Variants in TBXAS1 observed in about 807,000 individuals in gnomAD.
The protein encoded by TBXAS1 is thromboxane A synthase 1, also known as thromboxane-A synthase.
In TBXAS1, 48 loss-of-function variants were observed where a neutral mutation model predicts 60.7. The ratio of observed to expected loss-of-function variants is 0.79; its 90% CI spans 0.63 to 1.01. The LOEUF (loss-of-function observed/expected upper bound fraction) is 1.01, where lower values mean the gene tolerates loss of function less well. TBXAS1 is among the 50% of genes least tolerant of loss of function. The pLI, the probability that TBXAS1 is intolerant of heterozygous loss-of-function variation, is 0.00. For missense variants in TBXAS1, 685 were observed against 686.3 expected (o/e 1.00, Z 0.02); for synonymous variants, 287 against 269.7 (o/e 1.06, Z -0.63).
intron 4 of TBXAS1, among the ~76,000 whole-genome samples, chr7:139,816,361 A>G (rs944432163): frequency 6.6e-6 from 1 of 152,190 alleles, no homozygotes; most frequent in Non-Finnish European, 1.5e-5. Context: ...AATAGGAAGA[A>G]ATTCATACAG....
intron 4 of TBXAS1, among the ~76,000 whole-genome samples, chr7:139,790,117 C>A (rs936766044): frequency 7.9e-5 from 12 of 152,208 alleles, no homozygotes; most frequent in East Asian, 3.8e-4. Context: ...ATTATACATA[C>A]AACAATTTCC....
At chr7:139,833,509 CAAAA>C (rs56291914) in intron 1 of TBXAS1, among the ~76,000 whole-genome samples, 62 of 74,402 alleles carry the variant, frequency 8.3e-4, no homozygotes, top group African/African-American at 1.8e-3. Flanking sequence ...ACTAAAAATA[CAAAA>C]AAAAAAAAAA....
chr7:139,802,337 T>C (rs1367909873), intron 4 of TBXAS1, among the ~76,000 whole-genome samples: 10 of 152,220 alleles, frequency 6.6e-5, no homozygotes, highest in South Asian at 4.1e-4. Context: ...TTTGGCTGCA[T>C]CCCTAACCAA....
At chr7:139,895,868 C>T (rs1028781642) in intron 3 of TBXAS1, among the ~76,000 whole-genome samples, 93 of 152,368 alleles carry the variant, frequency 6.1e-4, no homozygotes, top group African/African-American at 2.0e-3. Context: ...CAGGGCACCT[C>T]TGCAGGGGGC....
At chr7:139,812,994 T>G (rs1258632361) in intron 4 of TBXAS1, among the ~76,000 whole-genome samples, 1 of 151,390 alleles carries the variant, frequency 6.6e-6, no homozygotes, top group Non-Finnish European at 1.5e-5. Flanking sequence ...GTGGCGGAGG[T>G]TGCAGTGAGC....
In TBXAS1 at chr7:139,927,305, G is replaced by T. The variant is rs568773686; in HGVS notation, c.334-8886G>T. Among the ~76,000 whole-genome samples the T allele has an allele frequency of 2.6e-5, 4 of 151,946 alleles. No individual in the cohort carries two copies. The East Asian group carries it at 7.7e-4, about 29-fold the overall frequency. On this transcript the variant is annotated intron_variant, in intron 4 of 12. Transcript: ENST00000448866. ...ATAGACACACTTTTGTGTATCTATT[G>T]TATGTTTTTAGATTTGAAGTTATCA... is the stretch of plus-strand genomic sequence containing the variant.
chr7:139,995,296 C>A (rs1364196990), intron 9 of TBXAS1, among the ~76,000 whole-genome samples: 1 of 152,092 alleles, frequency 6.6e-6, no homozygotes, highest in African/African-American at 2.4e-5. Flanking sequence ...TTACCATTTC[C>A]CCAAACAGCT....
intron 7 of TBXAS1, among the ~76,000 whole-genome samples, chr7:139,956,874 G>A (rs1477772407): frequency 3.9e-5 from 6 of 152,238 alleles, no homozygotes; most frequent in Admixed American, 2.0e-4. Context: ...ACATTGGTTC[G>A]GACTCTGGCT....
chr7:139,962,382 C>A, intron 9 of TBXAS1, 149 bp downstream of exon 9: 2 of 966,402 alleles, frequency 2.1e-6, no homozygotes, highest in Non-Finnish European at 3.2e-6. Context: ...GCTTCTCCTG[C>A]TCTCCGGGTT....
Position 139,961,925 on chromosome 7 carries a change from A to G in TBXAS1, c.826A>G (p.Arg276Gly). 1 of 1,614,238 alleles carries G rather than the reference A, an allele frequency of 6.2e-7. No homozygotes were observed. The highest frequency in any genetic ancestry group is 8.5e-7 in the Non-Finnish European group (1 of 1,180,048). Residue 276 changes from arginine (R) to glycine (G), a missense_variant, in exon 9 of 13, where the codon AGA (arginine) becomes GGA (glycine). Arg to Gly is a moderately radical substitution (Grantham distance 125). Transcript: ENST00000448866. ...TTCTCCTTTTGTTCCTTAGAGGCGGAGAGACTTCCTCCAAATGGTCCTGGA... is the reference window on the plus strand; with the variant it reads ...TTCTCCTTTTGTTCCTTAGAGGCGGGGAGACTTCCTCCAAATGGTCCTGGA... ...RDQQAAEERR[R>G]DFLQMVLDAR...
intron 9 of TBXAS1, among the ~76,000 whole-genome samples, chr7:140,006,696 G>A (rs1472910564): frequency 1.3e-5 from 2 of 152,082 alleles, no homozygotes; most frequent in Admixed American, 1.3e-4. Context: ...CAGGCTCTTT[G>A]AGCCTCAGTT....
chr7:139,918,838 G>C (rs896679834), intron 4 of TBXAS1, among the ~76,000 whole-genome samples: 1 of 152,012 alleles, frequency 6.6e-6, no homozygotes, highest in Non-Finnish European at 1.5e-5. Context: ...ATTCTCTCAG[G>C]CCAGTCACAC....
rs747748317 is a variant in TBXAS1 at position 139,928,509 on chromosome 7, ACT to A, written c.334-7679_334-7678del. ...TGATCCAGATTAATGTTAAATCGTGACTCTGTGCACATTAACTATTCTCAGCT... is the reference window on the plus strand; with the variant it reads ...TGATCCAGATTAATGTTAAATCGTGACTGTGCACATTAACTATTCTCAGCT... On this transcript the variant is annotated intron_variant, in intron 4 of 12. Coordinates refer to ENST00000448866, the MANE Select transcript of TBXAS1 (RefSeq NM_001061.7). 2.6e-5 allele frequency among the ~76,000 whole-genome samples: 4 copies of A among 152,136 alleles called. No homozygotes were observed. The South Asian group carries it at 8.3e-4, about 32-fold the overall frequency.
chr7:139,831,188 G>A (rs970488804), intron 1 of TBXAS1, among the ~76,000 whole-genome samples: 2 of 152,194 alleles, frequency 1.3e-5, no homozygotes, highest in African/African-American at 2.4e-5. Context: ...CCCAAGGCAG[G>A]GGAGACACAG....
chr7:139,957,859 ATCACACCGTGCCG>A, intron 8 of TBXAS1, 95 bp downstream of exon 8: 1 of 1,554,694 alleles, frequency 6.4e-7, no homozygotes, highest in Middle Eastern at 1.7e-4. Flanking sequence ...AGCCCCGCAC[ATCACACCGTGCCG>A]TCCTTCAGCA....
intron 3 of TBXAS1, among the ~76,000 whole-genome samples, chr7:139,905,231 A>C (rs1804981770): frequency 6.6e-6 from 1 of 151,814 alleles, no homozygotes; most frequent in Non-Finnish European, 1.5e-5. Context: ...TTCCCCATTC[A>C]GTATTATGTT....
chr7:140,008,941 C>A (rs1814307940), intron 10 of TBXAS1, among the ~76,000 whole-genome samples: 1 of 152,230 alleles, frequency 6.6e-6, no homozygotes, highest in Admixed American at 6.5e-5. Context: ...GTGACCAGGG[C>A]TCCTGGCCAA....
upstream of TBXAS1, among the ~76,000 whole-genome samples, chr7:139,827,410 A>G (rs1024554335): frequency 3.9e-5 from 6 of 152,238 alleles, no homozygotes; most frequent in African/African-American, 1.4e-4. Flanking sequence ...GTTCTTATCC[A>G]TTCTGCAGTT....
At chr7:140,008,175 G>A (rs1200975827) in intron 10 of TBXAS1, among the ~76,000 whole-genome samples, 2 of 152,198 alleles carry the variant, frequency 1.3e-5, no homozygotes, top group African/African-American at 2.4e-5. Flanking sequence ...ATCTCAAAAC[G>A]ATATTTCAAC....
Sources: allele counts gnomAD v4.1 joint callset (sites outside exome capture counted in the v4.1 genomes callset), GRCh38; gene constraint gnomAD v4.1.1; transcripts MANE v1.5; gene names NCBI Gene and HGNC (gene_info 2026-07-23, HGNC 2026-07-21).